Variants in DENND1B observed in about 807,000 individuals in gnomAD.
DENND1B encodes DENN domain containing 1B, also known as DENN domain-containing protein 1B.
In DENND1B, 59 loss-of-function variants were observed where a neutral mutation model predicts 90.1. That is an observed-to-expected ratio of 0.65 (90% CI 0.53 to 0.81). The LOEUF is 0.81. Ranked by LOEUF, DENND1B falls within the 40% of genes least tolerant of loss-of-function variation. The pLI, the probability that DENND1B is intolerant of heterozygous loss-of-function variation, is 0.00. For missense variants in DENND1B, 862 were observed against 912.6 expected, an observed-to-expected ratio of 0.94 and a Z score of 0.71; for synonymous variants, 337 against 324.6, an observed-to-expected ratio of 1.04 and a Z score of -0.41.
intron 2 of DENND1B, among the ~76,000 whole-genome samples, chr1:197,721,323 C>A (rs183362152): frequency 6.6e-6 from 1 of 152,126 alleles, no homozygotes; most frequent in Admixed American, 6.6e-5. Context: ...CCTGCCTCGG[C>A]CTCCCAAAGT....
chr1:197,582,626 T>C (rs1025139035), intron 15 of DENND1B, among the ~76,000 whole-genome samples: 3 of 152,200 alleles, frequency 2.0e-5, no homozygotes, highest in Non-Finnish European at 4.4e-5. Context: ...TACTGCTTTT[T>C]TGAAATAGCA....
chr1:197,770,700 CTATAAATA>C (rs1234114495), intron 2 of DENND1B, among the ~76,000 whole-genome samples: 1 of 130,596 alleles, frequency 7.7e-6, no homozygotes, highest in Admixed American at 7.9e-5. Flanking sequence ...AAATATATAT[CTATAAATA>C]TATAAATATA....
chr1:197,685,196 A>G (rs1292977326), intron 3 of DENND1B, among the ~76,000 whole-genome samples: 1 of 152,178 alleles, frequency 6.6e-6, no homozygotes, highest in South Asian at 2.1e-4. Flanking sequence ...CAGAACAAAT[A>G]AATAATACTA....
chr1:197,546,421 T>C (rs545258453), intron 17 of DENND1B, among the ~76,000 whole-genome samples: 1 of 152,132 alleles, frequency 6.6e-6, no homozygotes, highest in Non-Finnish European at 1.5e-5. Context: ...AATTATAAAA[T>C]TGCCATCAAA....
intron 15 of DENND1B, among the ~76,000 whole-genome samples, chr1:197,575,885 G>C (rs1033787794): frequency 3.3e-5 from 5 of 152,108 alleles, no homozygotes; most frequent in Non-Finnish European, 5.9e-5. Flanking sequence ...TGAACAATGA[G>C]AACACTTGGA....
intron 12 of DENND1B, among the ~76,000 whole-genome samples, chr1:197,608,775 T>TA (rs1479000072): frequency 6.6e-6 from 1 of 150,592 alleles, no homozygotes; most frequent in African/African-American, 2.4e-5. Context: ...AGGAAATTGG[T>TA]ACTACTATGA....
chr1:197,514,277 G>A (rs1668244717), intron 20 of DENND1B, among the ~76,000 whole-genome samples: 1 of 151,624 alleles, frequency 6.6e-6, no homozygotes, highest in Non-Finnish European at 1.5e-5. Flanking sequence ...GTATGGGACA[G>A]GCAGGACAAA....
At chr1:197,523,415 T>A (rs1668913620) in intron 20 of DENND1B, among the ~76,000 whole-genome samples, 1 of 152,060 alleles carries the variant, frequency 6.6e-6, no homozygotes, top group Non-Finnish European at 1.5e-5. Flanking sequence ...AGTGGAAGGA[T>A]GCTAAGAAAG....
chr1:197,636,852 AGAT>A (rs1679840570), intron 10 of DENND1B, among the ~76,000 whole-genome samples: 1 of 152,120 alleles, frequency 6.6e-6, no homozygotes, highest in South Asian at 2.1e-4. Context: ...TGGGGAAAAC[AGAT>A]GAGAGGGAGG....
At position 197,735,872 on chromosome 1, in the gene DENND1B, G is replaced by A. The variant is rs1430949828; in HGVS notation, c.83-20798C>T. On this transcript the variant is annotated intron_variant, in intron 2 of 22. Transcript: ENST00000620048. Reference sequence around the variant, plus strand: ...GAACTTGCCGAGCAGTCAAATTGCAGGGGGCTATTACAGGTGCCTCTCCTG... The same window carrying A: ...GAACTTGCCGAGCAGTCAAATTGCAAGGGGCTATTACAGGTGCCTCTCCTG... 15 of 1,570,894 alleles carry A rather than the reference G, an allele frequency of 9.5e-6. No individual in the cohort carries two copies. In the South Asian group the frequency reaches 1.4e-4, roughly 15 times the overall value.
At chr1:197,725,299 C>T (rs1661527583) in intron 2 of DENND1B, among the ~76,000 whole-genome samples, 1 of 152,024 alleles carries the variant, frequency 6.6e-6, no homozygotes, top group South Asian at 2.1e-4. Context: ...AGCCAGAAGA[C>T]AGTGGAATAA....
chr1:197,674,066 T>C (rs1020421313), intron 4 of DENND1B, 54 bp downstream of exon 4: 14 of 1,227,408 alleles, frequency 1.1e-5, no homozygotes, highest in Non-Finnish European at 1.6e-5. Flanking sequence ...GTAATCATTT[T>C]CAAGTATGTA....
chr1:197,697,920 A>G (rs1326342453), intron 3 of DENND1B, among the ~76,000 whole-genome samples: 2 of 152,098 alleles, frequency 1.3e-5, no homozygotes, highest in Non-Finnish European at 2.9e-5. Context: ...TTCATACAAC[A>G]AGTTCTTAGA....
Position 197,541,035 on chromosome 1 carries a change from G to A in DENND1B, c.1351-20C>T, listed in dbSNP as rs751280405. 3 of 1,611,518 alleles carry A rather than the reference G, an allele frequency of 1.9e-6. No individual in the cohort carries two copies. Among genetic ancestry groups the A allele is most frequent in the Admixed American group, 3.3e-5 (2 of 59,858 alleles). On this transcript the variant is annotated intron_variant, in intron 18 of 22. Transcript: ENST00000620048. ...TTTTGCCTAGAAAATGATAATGAAT[G>A]TGCCTGGCTCAGGATGGTTCCATTA... is the stretch of plus-strand genomic sequence containing the variant.
At chr1:197,550,309 A>AT (rs2125679075) in intron 16 of DENND1B, among the ~76,000 whole-genome samples, 1 of 152,252 alleles carries the variant, frequency 6.6e-6, no homozygotes, top group Non-Finnish European at 1.5e-5. Flanking sequence ...AAAAAACAGT[A>AT]TATCTTTGAA....
At chr1:197,587,301 G>A (rs531599987) in intron 14 of DENND1B, among the ~76,000 whole-genome samples, 16 of 152,130 alleles carry the variant, frequency 1.1e-4, no homozygotes, top group South Asian at 2.1e-4. Context: ...AAGTAACCAC[G>A]TAGAAACATA....
chr1:197,705,406 T>C (rs1241652444), intron 3 of DENND1B, among the ~76,000 whole-genome samples: 3 of 151,966 alleles, frequency 2.0e-5, no homozygotes, highest in Non-Finnish European at 2.9e-5. Flanking sequence ...ATCCTAAGAG[T>C]TATGAATGTT....
chr1:197,611,826 T>A lies in DENND1B; in HGVS notation c.819+105A>T, dbSNP rs745899870. 6.9e-6 allele frequency: 6 copies of A among 866,280 alleles called. No individual in the cohort carries two copies. In the African/African-American group the frequency reaches 7.1e-5, roughly 10 times the overall value. 53.7% of individuals were successfully genotyped at this position (866,280 alleles called of 1,614,324 possible). A position where few individuals can be genotyped will look rare whatever the true frequency, so the allele number is the denominator to read the frequency against. ...AAGCATACTCTAAATATGAAACTAGTCACTTCTTTGTCCTATACCACTGAT... is the reference window on the plus strand; with the variant it reads ...AAGCATACTCTAAATATGAAACTAGACACTTCTTTGTCCTATACCACTGAT... On this transcript the variant is annotated intron_variant, in intron 12 of 22. Transcript: ENST00000620048.
At chr1:197,553,970 GC>G (rs1479249153) in intron 15 of DENND1B, among the ~76,000 whole-genome samples, 1 of 151,970 alleles carries the variant, frequency 6.6e-6, no homozygotes, top group African/African-American at 2.4e-5. Context: ...ATCTTCCATT[GC>G]CTGTTCTGCT....
Sources: allele counts gnomAD v4.1 joint callset (sites outside exome capture counted in the v4.1 genomes callset), GRCh38; gene constraint gnomAD v4.1.1; transcripts MANE v1.5; gene names NCBI Gene and HGNC (gene_info 2026-07-23, HGNC 2026-07-21).